ERAP1: variants seen among roughly 807,000 people sequenced by gnomAD.
The protein encoded by ERAP1 is endoplasmic reticulum aminopeptidase 1.
A neutral mutation model predicts 103.7 loss-of-function variants in ERAP1; 86 were observed. The observed-to-expected ratio is 0.83, with a 90% CI of 0.70 to 0.99. The LOEUF (loss-of-function observed/expected upper bound fraction) is 0.99. ERAP1 is among the 50% of genes least tolerant of loss of function. The pLI, the probability that ERAP1 is intolerant of heterozygous loss-of-function variation, is 0.00. For missense variants in ERAP1, 1,009 were observed against 1,128.4 expected (o/e 0.89, Z 1.52); for synonymous variants, 398 against 402.4 (o/e 0.99, Z 0.13).
chr5:96,804,123 G>A (rs1215740095), intron 1 of ERAP1, among the ~76,000 whole-genome samples, 180 bp from the exon 2 acceptor site: 2 of 152,156 alleles, frequency 1.3e-5, no homozygotes, highest in Non-Finnish European at 2.9e-5. Flanking sequence ...TAAGAAAGAT[G>A]TTTACAGTTA....
chr5:96,930,017 G>C, the ERAP1 span, among the ~76,000 whole-genome samples: 3 of 152,080 alleles, frequency 2.0e-5, no homozygotes, highest in South Asian at 6.2e-4. Flanking sequence ...ACCATGTCTT[G>C]GCCAAGGGGA....
intron 3 of ERAP1, among the ~76,000 whole-genome samples, 199 bp from the exon 4 acceptor site, chr5:96,797,508 A>T (rs1353731492): frequency 6.6e-6 from 1 of 152,130 alleles, no homozygotes; most frequent in African/African-American, 2.4e-5. Context: ...CTACAAAAAA[A>T]ATACAAAAAT....
intron 4 of ERAP1, 75 bp from the exon 5 acceptor site, chr5:96,795,237 AT>A: frequency 6.3e-7 from 1 of 1,581,610 alleles, no homozygotes; most frequent in Non-Finnish European, 8.6e-7. Context: ...GAAGACTGAC[AT>A]TAATGTCTTC....
At chr5:96,861,340 G>T in the ERAP1 span, among the ~76,000 whole-genome samples, 1 of 152,138 alleles carries the variant, frequency 6.6e-6, no homozygotes, top group African/African-American at 2.4e-5. Context: ...CTAACTCTCT[G>T]GTAACAAAGG....
At chr5:96,761,357 T>C (rs1055610612) in exon 20 of ERAP1, 2 of 152,232 alleles carry the variant, frequency 1.3e-5, no homozygotes, top group South Asian at 2.1e-4. Flanking sequence ...ATTTAGTACA[T>C]TTTGGATTAC....
the ERAP1 span, chr5:96,886,771 C>CACTT: frequency 6.6e-7 from 1 of 1,514,024 alleles, no homozygotes; most frequent in Non-Finnish European, 9.0e-7. Flanking sequence ...TGAGTGGCTT[C>CACTT]ACTTCATCAG....
At chr5:96,812,644 C>T (rs1779218091), upstream of ERAP1, among the ~76,000 whole-genome samples, 5 of 152,122 alleles carry the variant, frequency 3.3e-5, no homozygotes, top group Admixed American at 3.3e-4. Flanking sequence ...AATAACTAAA[C>T]ATGGGAAAAA....
the ERAP1 span, among the ~76,000 whole-genome samples, chr5:96,897,964 A>C: frequency 6.6e-6 from 1 of 152,222 alleles, no homozygotes; most frequent in Non-Finnish European, 1.5e-5. Flanking sequence ...TGGGACACCA[A>C]GGTGGGTAGA....
intron 9 of ERAP1, 69 bp downstream of exon 9, chr5:96,790,443 G>T (rs1230114862): frequency 3.4e-5 from 55 of 1,607,330 alleles, no homozygotes; most frequent in Non-Finnish European, 4.5e-5. Flanking sequence ...TTAACATAAT[G>T]CAGGGAAAAC....
At chr5:96,886,707 C>A in the ERAP1 span, 1 of 1,552,300 alleles carries the variant, frequency 6.4e-7, no homozygotes, top group South Asian at 1.2e-5. Flanking sequence ...TTTGAAACTA[C>A]TGTAAAAATG....
downstream of ERAP1, among the ~76,000 whole-genome samples, chr5:96,771,217 A>G (rs1052341412): frequency 6.6e-6 from 1 of 152,316 alleles, no homozygotes; most frequent in South Asian, 2.1e-4. Context: ...TTTGCCTATT[A>G]TTTAATTTCA....
At chr5:96,906,860 C>T in the ERAP1 span, among the ~76,000 whole-genome samples, 3 of 152,098 alleles carry the variant, frequency 2.0e-5, no homozygotes, top group Admixed American at 1.3e-4. Context: ...GTTGAAACCC[C>T]GTCTCTACTA....
chr5:96,927,025 C>T, the ERAP1 span, among the ~76,000 whole-genome samples: 1 of 152,120 alleles, frequency 6.6e-6, no homozygotes, highest in African/African-American at 2.4e-5. Flanking sequence ...CCAGGTTGCC[C>T]AGGCTGGTCT....
chr5:96,774,184 A>C (rs1773468702), downstream of ERAP1: 1 of 153,856 alleles, frequency 6.5e-6, no homozygotes, highest in Non-Finnish European at 1.5e-5. Flanking sequence ...TTTAAGAAAA[A>C]CCTTGAAACC....
At chr5:96,878,221 C>T in the ERAP1 span, among the ~76,000 whole-genome samples, 9 of 109,798 alleles carry the variant, frequency 8.2e-5, no homozygotes, top group Non-Finnish European at 1.3e-4. Context: ...GGAAAAGAAC[C>T]GAACCTTAAA....
chr5:96,868,181 C>T, the ERAP1 span, among the ~76,000 whole-genome samples: 2 of 152,206 alleles, frequency 1.3e-5, no homozygotes, highest in South Asian at 2.1e-4. Flanking sequence ...TCAGTTCTCT[C>T]TTAAAAGTCA....
chr5:96,890,843 C>T, the ERAP1 span, among the ~76,000 whole-genome samples: 1 of 152,100 alleles, frequency 6.6e-6, no homozygotes, highest in Admixed American at 6.5e-5. Context: ...TAATTCACTG[C>T]TGTACTTTAG....
exon 20 of ERAP1, chr5:96,761,928 A>C (rs1768104235): frequency 6.0e-6 from 1 of 167,552 alleles, no homozygotes. Flanking sequence ...ACCATAACTC[A>C]CTCACTAGAA....
Position 96,781,137 on chromosome 5 carries a change from TA to T in ERAP1, c.2508del (p.Thr837HisfsTer8), listed in dbSNP as rs1314481325. 1.9e-6 allele frequency: 3 copies of T among 1,613,504 alleles called. No homozygotes were observed. Among genetic ancestry groups the T allele is most frequent in the Non-Finnish European group, 2.5e-6 (3 of 1,179,852 alleles). On this transcript the variant is annotated frameshift_variant, in exon 17 of 19. Transcript: ENST00000443439. LOFTEE classifies it high-confidence loss of function. ...CCTACTGGGTTCCTGCCAATGAGTG[TA>T]AGAATTTGTGGAAACTCCTGAGTTT... Reference protein sequence around the residue: ...KIKTQEFPQILTLIGRNPVGY... With the variant: ...KIKTQEFPQIXTLIGRNPVGY...
Sources: gnomAD v4.1 joint callset for allele counts (sites outside exome capture counted in the v4.1 genomes callset) on GRCh38, gnomAD v4.1.1 for gene constraint, MANE v1.5 for transcripts, NCBI Gene and HGNC (gene_info 2026-07-23, HGNC 2026-07-21) for gene names.